Variants in CAPN2 observed in about 807,000 individuals in gnomAD.
CAPN2 encodes the protein calpain-2 catalytic subunit.
In CAPN2, 92 loss-of-function variants were observed where a neutral mutation model predicts 102.3. That is an observed-to-expected ratio of 0.90 (90% confidence interval 0.76 to 1.07). The LOEUF (loss-of-function observed/expected upper bound fraction) is 1.07, where lower values mean the gene tolerates loss of function less well. Among genes scored for constraint, CAPN2 ranks in the 50% least tolerant of loss-of-function variants. The pLI is 0.00. For missense variants in CAPN2, 800 were observed against 909.4 expected (o/e 0.88, Z 1.55); for synonymous variants, 340 against 355.4 (o/e 0.96, Z 0.49).
Position 223,725,542 on chromosome 1 carries a change from T to C in CAPN2, c.307+7711T>C, listed in dbSNP as rs566117980. 6.6e-6 allele frequency among the ~76,000 whole-genome samples: 1 copy of C among 152,276 alleles called. No homozygotes were observed. Among genetic ancestry groups the C allele is most frequent in the Admixed American group, 6.5e-5 (1 of 15,292 alleles). ...ACAGTACAGCTGGAGGGGAGTACTG[T>C]CAAATGAGGTCGCGTCGCTGAGGTG... On this transcript the variant is annotated intron_variant, in intron 2 of 20. Transcript: ENST00000295006. This position sits in a 1 kb window ranked among gnomAD's most constrained non-coding sequence, Gnocchi z 4.1.
chr1:223,744,553 A>T (rs1660704506), intron 3 of CAPN2, among the ~76,000 whole-genome samples: 1 of 152,138 alleles, frequency 6.6e-6, no homozygotes, highest in South Asian at 2.1e-4. Context: ...TATGCCGGTA[A>T]ATGAGAAATA....
rs200589680 is a variant in CAPN2, at chr1:223,703,161, A to G, written c.3+1330A>G. ...AAAAGCAGTTTTGCATTCAAATGCC[A>G]ACTCCACTACCCACTGACTGTATAA... On this transcript the variant is annotated intron_variant, in intron 1 of 20. Transcript: ENST00000433674. 7.2e-5 allele frequency among the ~76,000 whole-genome samples: 11 copies of G among 152,246 alleles called. No individual in the cohort carries two copies. The East Asian group carries it at 2.1e-3, about 29-fold the overall frequency.
rs865787739 is a variant in CAPN2 at position 223,750,935 on chromosome 1, C to G, written c.859C>G (p.Pro287Ala). The G allele has an allele frequency of 1.9e-6, 3 of 1,552,582 alleles. No homozygotes were observed. The highest frequency in any genetic ancestry group is 2.0e-5 in the Admixed American group (1 of 51,046). The change falls in exon 7 of 21, where the codon CCC (proline) becomes GCC (alanine). Residue 287 changes from proline (P) to alanine (A), a missense_variant. Physicochemically the swap from Pro to Ala is conservative, Grantham distance 27. Coordinates refer to ENST00000295006, the MANE Select transcript of CAPN2 (RefSeq NM_001748.5). ...ACAGAAACTGATCCGCATCCGAAAT[C>G]CCTGGGGAGAAGTGGAGTGGACAGG... Reference protein sequence around the residue: ...SLQKLIRIRNPWGEVEWTGRW... With the variant: ...SLQKLIRIRNAWGEVEWTGRW...
In CAPN2 at chr1:223,756,348, G is replaced by A. The variant is rs370675588; in HGVS notation, c.1305+699G>A. Among the ~76,000 whole-genome samples, 14 of 152,230 alleles carry A rather than the reference G, an allele frequency of 9.2e-5. 3 individuals are homozygous for A. The highest frequency in any genetic ancestry group is 4.6e-4 in the Admixed American group (7 of 15,290). On this transcript the variant is annotated intron_variant, in intron 10 of 20. Coordinates refer to ENST00000295006, the MANE Select transcript of CAPN2 (RefSeq NM_001748.5). This position sits in a 1 kb window ranked among gnomAD's most constrained non-coding sequence, Gnocchi z 4.1. ...TGGGCTGCAGGTAGCCATGCGAGGA[G>A]AGGGATGAAAGGAAGGCTTTAGGGC...
chr1:223,737,921 C>A (rs1000002729), intron 2 of CAPN2, among the ~76,000 whole-genome samples: 1 of 151,980 alleles, frequency 6.6e-6, no homozygotes, highest in Admixed American at 6.6e-5. Flanking sequence ...CTCACTGTGC[C>A]CCCAGGGGAG....
chr1:223,708,744 C>T (rs896779023), upstream of CAPN2, among the ~76,000 whole-genome samples: 6 of 150,344 alleles, frequency 4.0e-5, no homozygotes, highest in African/African-American at 1.5e-4. Context: ...GCACTCCAGC[C>T]TGGGCAACAA....
At chr1:223,772,582 C>A in intron 20 of CAPN2, 1 of 247,558 alleles carries the variant, frequency 4.0e-6, no homozygotes. Context: ...ATAAAGAAAT[C>A]CTTCAGCTGA....
intron 6 of CAPN2, 100 bp downstream of exon 6, chr1:223,749,222 G>T: frequency 2.9e-6 from 3 of 1,041,800 alleles, no homozygotes; most frequent in Non-Finnish European, 4.4e-6. Context: ...GCCCCACGGT[G>T]GTCCAGTTTA....
chr1:223,753,225 A>G (rs1271429878), intron 9 of CAPN2, among the ~76,000 whole-genome samples: 1 of 152,120 alleles, frequency 6.6e-6, no homozygotes, highest in East Asian at 1.9e-4. Flanking sequence ...TCCAGGCCCT[A>G]GATTCCCCAG....
chr1:223,766,326 C>A lies in CAPN2; in HGVS notation c.1691-41C>A, dbSNP rs181101826. On this transcript the variant is annotated intron_variant, in intron 15 of 20. Coordinates refer to ENST00000295006, the MANE Select transcript of CAPN2 (RefSeq NM_001748.5). ...TGTGGAAAGTTCAGTTGGACATCAC[C>A]GCTCAGAGATTTTTCCTGTCACACT... The A allele has an allele frequency of 6.2e-3, 9,238 of 1,488,528 alleles. 45 individuals carry two copies. Among genetic ancestry groups the A allele is most frequent in the Non-Finnish European group, 7.3e-3 (7,794 of 1,065,128 alleles). 92.2% of individuals were successfully genotyped at this position (1,488,528 alleles called of 1,614,324 possible).
chr1:223,737,438 A>C (rs1207768948), intron 2 of CAPN2, among the ~76,000 whole-genome samples: 1 of 152,028 alleles, frequency 6.6e-6, no homozygotes, highest in Non-Finnish European at 1.5e-5. Context: ...CTAGCGGGAG[A>C]TGTCATCGGT....
chr1:223,753,103 C>A, intron 9 of CAPN2, 147 bp downstream of exon 9: 2 of 727,562 alleles, frequency 2.7e-6, no homozygotes, highest in Non-Finnish European at 4.7e-6. Context: ...CTTCTTTCTC[C>A]CTGAGCCTTT....
chr1:223,702,459 G>T (rs1404823105), intron 1 of CAPN2, among the ~76,000 whole-genome samples: 4 of 151,606 alleles, frequency 2.6e-5, no homozygotes, highest in African/African-American at 9.7e-5. Flanking sequence ...GAAAGGAAAA[G>T]AAAGAAAAAG....
At chr1:223,748,950 T>C in intron 5 of CAPN2, 89 bp from the exon 6 acceptor site, 1 of 1,259,464 alleles carries the variant, frequency 7.9e-7, no homozygotes, top group Non-Finnish European at 1.2e-6. Context: ...CGTCCGGCGG[T>C]CCCGCCCGGC....
At chr1:223,752,459 C>T (rs1003592008) in intron 8 of CAPN2, among the ~76,000 whole-genome samples, 13 of 152,202 alleles carry the variant, frequency 8.5e-5, no homozygotes, top group South Asian at 8.3e-4. Context: ...TGTGTGTCTG[C>T]GCCACTCTAT....
rs1365985959 is a variant in CAPN2, at chr1:223,717,860, G to C, written c.307+29G>C. On this transcript the variant is annotated intron_variant, in intron 2 of 20. Coordinates refer to ENST00000295006, the MANE Select transcript of CAPN2 (RefSeq NM_001748.5). ...AGTGATAGATTCAGAGCAAGCTGGG[G>C]GATCTTGTCTGTAAGGCTGTGGGTG... 3.2e-6 allele frequency: 5 copies of C among 1,566,728 alleles called. No homozygotes were observed. The African/African-American group carries it at 6.7e-5, about 21-fold the overall frequency.
At chr1:223,751,935 T>G in intron 7 of CAPN2, 62 bp from the exon 8 acceptor site, 1 of 1,139,850 alleles carries the variant, frequency 8.8e-7, no homozygotes. Flanking sequence ...CTTCCTCAAC[T>G]CTGGGGCCTT....
intron 2 of CAPN2, among the ~76,000 whole-genome samples, chr1:223,724,561 TC>T (rs1373475054): frequency 1.3e-5 from 2 of 152,230 alleles, no homozygotes; most frequent in African/African-American, 2.4e-5. Flanking sequence ...AGCCACATGT[TC>T]CTTGTGGCTG....
chr1:223,765,371 C>T (rs139639331), intron 15 of CAPN2, among the ~76,000 whole-genome samples: 60 of 152,332 alleles, frequency 3.9e-4, no homozygotes, highest in Non-Finnish European at 6.0e-4. Context: ...AGTCTGCACC[C>T]GCCCTCCTCT....
Sources: allele counts gnomAD v4.1 joint callset (sites outside exome capture counted in the v4.1 genomes callset), GRCh38; gene constraint gnomAD v4.1.1; non-coding constraint Gnocchi (gnomAD v3.1); transcripts MANE v1.5; gene names NCBI Gene and HGNC (gene_info 2026-07-23, HGNC 2026-07-21).